Variants in ZSCAN5A observed in about 807,000 individuals in gnomAD.
ZSCAN5A encodes the protein zinc finger and SCAN domain containing 5A, also known as zinc finger and SCAN domain-containing protein 5A.
Under a neutral mutation model 23.7 loss-of-function variants are expected in ZSCAN5A, and 12 were observed. That is an observed-to-expected ratio of 0.51 (90% CI 0.32 to 0.82). The LOEUF is 0.82. Ranked by LOEUF, ZSCAN5A falls within the 40% of genes least tolerant of loss-of-function variation. The pLI, the probability that ZSCAN5A is intolerant of heterozygous loss-of-function variation, is 0.03. For synonymous variants in ZSCAN5A, 257 were observed against 239.9 expected (o/e 1.07, Z -0.66); for missense variants, 597 against 617.9 (o/e 0.97, Z 0.36).
intron 2 of ZSCAN5A, chr19:56,297,678 C>A: frequency 4.2e-6 from 1 of 235,330 alleles, no homozygotes; most frequent in Non-Finnish European, 6.9e-6. Context: ...TCCTGAAGGG[C>A]ATCCAAAGTC....
At chr19:56,225,851 C>T (rs536828976) in intron 2 of ZSCAN5A, among the ~76,000 whole-genome samples, 2 of 151,432 alleles carry the variant, frequency 1.3e-5, no homozygotes, top group Non-Finnish European at 2.9e-5. Context: ...GTGATCACCC[C>T]CTGCCCACCC....
rs567848201 is a variant in ZSCAN5A, at chr19:56,349,840, C to T, written c.-358+13395G>A. ...TCAAATACTTTTTATTATTTCTAAA[C>T]TTTCCTCTCAAAGTTCACTGCCAAA... is the stretch of plus-strand genomic sequence containing the variant. On this transcript the variant is annotated intron_variant, in intron 2 of 6. Transcript: ENST00000587340. 6.6e-5 allele frequency among the ~76,000 whole-genome samples: 10 copies of T among 151,156 alleles called. No homozygotes were observed. The South Asian group carries it at 2.1e-3, about 32-fold the overall frequency.
intron 2 of ZSCAN5A, chr19:56,312,422 A>G (rs970888619): frequency 6.6e-6 from 1 of 152,228 alleles, no homozygotes; most frequent in Non-Finnish European, 1.5e-5. Context: ...CATTTTACAG[A>G]ACACCTAGTC....
rs543143163 is a variant in ZSCAN5A, at chr19:56,281,731, G to C, written c.-128+31552C>G. On this transcript the variant is annotated intron_variant, in intron 2 of 5. Transcript: ENST00000683990. The stretch of plus-strand genomic sequence containing the variant: ...ATATCTCCTTCTCCCTACATAAATG[G>C]GGAGCCCGCCCTTCAACCTAGAGAA... 6.9e-4 allele frequency: 683 copies of C among 984,776 alleles called. 1 individual carries two copies. The highest frequency in any genetic ancestry group is 2.3e-3 in the South Asian group (48 of 21,258). 61.0% of individuals were successfully genotyped at this position (984,776 alleles called of 1,614,324 possible). A position where few individuals can be genotyped will look rare whatever the true frequency, so the allele number is the denominator to read the frequency against.
At chr19:56,350,417 T>G (rs2041660318) in intron 2 of ZSCAN5A, among the ~76,000 whole-genome samples, 1 of 152,308 alleles carries the variant, frequency 6.6e-6, no homozygotes, top group African/African-American at 2.4e-5. Context: ...TGTAAGAAGG[T>G]TTATAAAAGT....
At chr19:56,236,195 C>T (rs372650451) in intron 2 of ZSCAN5A, among the ~76,000 whole-genome samples, 8 of 18,124 alleles carry the variant, frequency 4.4e-4, no homozygotes, top group East Asian at 1.6e-3. Context: ...GTGGGCCAAG[C>T]CTCCACTCCA....
chr19:56,304,152 G>A (rs1307214011), intron 2 of ZSCAN5A, among the ~76,000 whole-genome samples: 1 of 152,198 alleles, frequency 6.6e-6, no homozygotes, highest in East Asian at 1.9e-4. Context: ...CAGACTGAGA[G>A]GAGGAGACAC....
chr19:56,346,929 G>A (rs1042838535), intron 2 of ZSCAN5A, among the ~76,000 whole-genome samples: 5 of 152,038 alleles, frequency 3.3e-5, no homozygotes, highest in African/African-American at 1.2e-4. Context: ...GGGTTTCACC[G>A]CGTTAGCCAG....
At position 56,233,554 on chromosome 19, in the gene ZSCAN5A, C is replaced by T. The variant is rs551877764; in HGVS notation, c.-127-8381G>A. On this transcript the variant is annotated intron_variant, in intron 2 of 5. Transcript: ENST00000683990. ...AGGAATGGCTAGAAAGTTCTTGTACCAAACCAACTTGAAGCAACCTCACCC... is the reference window on the plus strand; with the variant it reads ...AGGAATGGCTAGAAAGTTCTTGTACTAAACCAACTTGAAGCAACCTCACCC... Among the ~76,000 whole-genome samples, 25 of 151,562 alleles carry T rather than the reference C, an allele frequency of 1.6e-4. No individual in the cohort carries two copies. The East Asian group carries it at 4.3e-3, about 26-fold the overall frequency.
intron 2 of ZSCAN5A, among the ~76,000 whole-genome samples, chr19:56,247,987 G>A (rs117557379): frequency 0.03 from 4,605 of 152,260 alleles, 100 homozygotes; most frequent in East Asian, 0.084. Context: ...ACCGCACCTG[G>A]CCTGTTCTTT....
chr19:56,246,269 C>T, intron 2 of ZSCAN5A: 1 of 284,222 alleles, frequency 3.5e-6, no homozygotes, highest in South Asian at 6.4e-5. Flanking sequence ...GTCCATGACC[C>T]ACCAGTTTAG....
chr19:56,223,569 A>G (rs1172435568), intron 4 of ZSCAN5A, 62 bp downstream of exon 4: 1 of 1,568,722 alleles, frequency 6.4e-7, no homozygotes, highest in Admixed American at 1.8e-5. Flanking sequence ...TCCAGCGGCC[A>G]CACGATTTCC....
At chr19:56,302,214 G>C (rs984077653) in intron 2 of ZSCAN5A, 1 of 587,438 alleles carries the variant, frequency 1.7e-6, no homozygotes, top group Non-Finnish European at 2.5e-6. Context: ...GAAGTGGTGG[G>C]AGAGCCCTTC....
At chr19:56,230,048 C>A (rs2034317952) in intron 2 of ZSCAN5A, among the ~76,000 whole-genome samples, 1 of 152,110 alleles carries the variant, frequency 6.6e-6, no homozygotes, top group Non-Finnish European at 1.5e-5. Context: ...CGACTTCCTC[C>A]TTCTGAATTT....
chr19:56,284,295 G>C (rs552490847), intron 2 of ZSCAN5A: 4 of 403,046 alleles, frequency 9.9e-6, no homozygotes, highest in Admixed American at 1.3e-4. Flanking sequence ...AACTGGGTTA[G>C]ATTGTGTGTA....
At chr19:56,320,545 G>T in intron 2 of ZSCAN5A, 1 of 456,690 alleles carries the variant, frequency 2.2e-6, no homozygotes, top group Admixed American at 3.2e-5. Context: ...CCAGGAGGCG[G>T]TGATTGCAGT....
At chr19:56,318,742 C>T (rs370884189), upstream of ZSCAN5A, among the ~76,000 whole-genome samples, 16 of 152,230 alleles carry the variant, frequency 1.1e-4, no homozygotes, top group East Asian at 2.3e-3. Context: ...GAGGAAGCTA[C>T]ATATTTTGAA....
chr19:56,329,437 A>G (rs901625999), intron 2 of ZSCAN5A, among the ~76,000 whole-genome samples: 4 of 152,124 alleles, frequency 2.6e-5, no homozygotes, highest in Admixed American at 2.6e-4. Flanking sequence ...GGATGAAGCA[A>G]AAGAAATGCT....
intron 2 of ZSCAN5A, among the ~76,000 whole-genome samples, chr19:56,344,693 G>A (rs2041618183): frequency 6.6e-6 from 1 of 150,730 alleles, no homozygotes; most frequent in South Asian, 2.1e-4. Flanking sequence ...CATGAGGTCA[G>A]GAGATCGAGA....
Sources: allele counts gnomAD v4.1 joint callset (sites outside exome capture counted in the v4.1 genomes callset), GRCh38; gene constraint gnomAD v4.1.1; transcripts MANE v1.5; gene names NCBI Gene and HGNC (gene_info 2026-07-23, HGNC 2026-07-21).